Variants in LRRC4C observed in about 807,000 individuals in gnomAD.
The protein encoded by LRRC4C is leucine-rich repeat-containing protein 4C.
In LRRC4C, 5 loss-of-function variants were observed where a neutral mutation model predicts 33.6. The ratio of observed to expected loss-of-function variants is 0.15; its 90% CI spans 0.08 to 0.31. The LOEUF (loss-of-function observed/expected upper bound fraction) is 0.31, where lower values mean the gene tolerates loss of function less well. Among genes scored for constraint, LRRC4C ranks in the 10% least tolerant of loss-of-function variants. The probability of loss-of-function intolerance (pLI) is 1.00; values close to 1 mark genes in which losing one functional copy is unlikely to be tolerated. For synonymous variants in LRRC4C, 329 were observed against 302.0 expected, an observed-to-expected ratio of 1.09 and a Z score of -0.93; for missense variants, 560 against 796.7, an observed-to-expected ratio of 0.70 and a Z score of 3.58.
chr11:40,988,548 G>A (rs1055774220), intron 1 of LRRC4C, among the ~76,000 whole-genome samples: 3 of 151,840 alleles, frequency 2.0e-5, no homozygotes, highest in Admixed American at 6.6e-5. Flanking sequence ...GTATGACTAC[G>A]CTGAGCCTAT....
chr11:41,059,600 C>A (rs1321500022), intron 1 of LRRC4C, among the ~76,000 whole-genome samples: 1 of 151,906 alleles, frequency 6.6e-6, no homozygotes, highest in Admixed American at 6.6e-5. Context: ...TCTTTTTACA[C>A]CTTTTAGAGT....
At chr11:40,184,319 T>C (rs570152786) in intron 5 of LRRC4C, among the ~76,000 whole-genome samples, 2 of 152,268 alleles carry the variant, frequency 1.3e-5, no homozygotes, top group Admixed American at 6.5e-5. Context: ...ATATTAAATA[T>C]TGAGATTTCA....
At chr11:41,404,107 T>C (rs1282739434) in intron 1 of LRRC4C, among the ~76,000 whole-genome samples, 1 of 152,052 alleles carries the variant, frequency 6.6e-6, no homozygotes, top group Non-Finnish European at 1.5e-5. Flanking sequence ...GGTACAACCA[T>C]TTATTTCAGT....
At chr11:40,814,477 T>C (rs1488539944) in intron 2 of LRRC4C, among the ~76,000 whole-genome samples, 1 of 152,092 alleles carries the variant, frequency 6.6e-6, no homozygotes, top group Non-Finnish European at 1.5e-5. Flanking sequence ...ATGCCTGTGA[T>C]GGGAGGGGCT....
At chr11:40,278,808 T>A (rs990287207) in intron 4 of LRRC4C, among the ~76,000 whole-genome samples, 2 of 152,036 alleles carry the variant, frequency 1.3e-5, no homozygotes, top group African/African-American at 4.8e-5. Context: ...GGGTTTTGTC[T>A]CCAGCACATA....
At chr11:41,002,070 G>A (rs2137396766) in intron 1 of LRRC4C, among the ~76,000 whole-genome samples, 1 of 152,224 alleles carries the variant, frequency 6.6e-6, no homozygotes, top group African/African-American at 2.4e-5. Context: ...GAAGGGCAGT[G>A]GAGATTTACC....
chr11:40,717,043 T>C (rs1012054848), intron 2 of LRRC4C, among the ~76,000 whole-genome samples: 1 of 152,146 alleles, frequency 6.6e-6, no homozygotes, highest in Non-Finnish European at 1.5e-5. Context: ...CCTGGAAGAT[T>C]CCAACTCATT....
At chr11:40,231,533 AATGCATATTTTGTG>A (rs1865199911) in intron 5 of LRRC4C, among the ~76,000 whole-genome samples, 1 of 152,168 alleles carries the variant, frequency 6.6e-6, no homozygotes, top group African/African-American at 2.4e-5. Context: ...AAATTTATTA[AATGCATATTTTGTG>A]CCAGGTACTA....
chr11:40,877,498 C>G (rs1954962190), intron 2 of LRRC4C, among the ~76,000 whole-genome samples: 1 of 152,096 alleles, frequency 6.6e-6, no homozygotes, highest in Non-Finnish European at 1.5e-5. Flanking sequence ...CTAACAGTTG[C>G]CCTTGAATAT....
At chr11:40,919,251 T>A (rs1957079969) in intron 2 of LRRC4C, among the ~76,000 whole-genome samples, 1 of 152,142 alleles carries the variant, frequency 6.6e-6, no homozygotes, top group African/African-American at 2.4e-5. Flanking sequence ...TATCACAGTG[T>A]AGGGTCTTAT....
intron 1 of LRRC4C, among the ~76,000 whole-genome samples, chr11:41,158,395 C>G (rs1944325042): frequency 6.6e-6 from 1 of 151,922 alleles, no homozygotes; most frequent in South Asian, 2.1e-4. Context: ...CAATTTAGCT[C>G]AAGACAAATA....
chr11:41,253,978 A>C (rs1359056190), intron 1 of LRRC4C, among the ~76,000 whole-genome samples: 2 of 152,052 alleles, frequency 1.3e-5, no homozygotes, highest in African/African-American at 4.8e-5. Flanking sequence ...ACTCTTAATT[A>C]ACAGCTGAGT....
At chr11:40,654,731 C>A (rs921593896) in intron 2 of LRRC4C, among the ~76,000 whole-genome samples, 14 of 152,210 alleles carry the variant, frequency 9.2e-5, no homozygotes, top group African/African-American at 3.4e-4. Context: ...TAAGTTGAGG[C>A]CATGAGATTT....
At chr11:40,496,988 A>C (rs1034624336) in intron 3 of LRRC4C, among the ~76,000 whole-genome samples, 3 of 152,312 alleles carry the variant, frequency 2.0e-5, no homozygotes, top group Admixed American at 1.3e-4. Context: ...GCTCCTAAAG[A>C]TCATCATCCC....
chr11:41,024,785 T>C (rs1856226039), intron 1 of LRRC4C, among the ~76,000 whole-genome samples: 1 of 151,758 alleles, frequency 6.6e-6, no homozygotes, highest in Non-Finnish European at 1.5e-5. Context: ...TTTGCAGATA[T>C]TGAATTTTTT....
chr11:41,286,065 G>A (rs1161004992), intron 1 of LRRC4C, among the ~76,000 whole-genome samples: 2 of 151,962 alleles, frequency 1.3e-5, no homozygotes, highest in Non-Finnish European at 2.9e-5. Context: ...TCCTGACCTC[G>A]TGATTCACCC....
chr11:41,357,036 T>C (rs1952186594), intron 1 of LRRC4C, among the ~76,000 whole-genome samples: 1 of 151,822 alleles, frequency 6.6e-6, no homozygotes, highest in Non-Finnish European at 1.5e-5. Context: ...TTACCTTGTT[T>C]AACCCAGAAA....
intron 1 of LRRC4C, among the ~76,000 whole-genome samples, chr11:41,051,981 C>A (rs2138138968): frequency 6.6e-6 from 1 of 152,192 alleles, no homozygotes; most frequent in East Asian, 1.9e-4. Flanking sequence ...GGGAACAGAG[C>A]AAATTGTGAT....
chr11:40,624,288 G>T (rs1962730367), intron 3 of LRRC4C, among the ~76,000 whole-genome samples: 1 of 152,084 alleles, frequency 6.6e-6, no homozygotes, highest in Admixed American at 6.6e-5. Flanking sequence ...TGGTTATGAA[G>T]TTGCTTCCAT....
Sources: gnomAD v4.1 joint callset for allele counts (sites outside exome capture counted in the v4.1 genomes callset) on GRCh38, gnomAD v4.1.1 for gene constraint, MANE v1.5 for transcripts, NCBI Gene and HGNC (gene_info 2026-07-23, HGNC 2026-07-21) for gene names.